The following RIMBP2 variants were observed in gnomAD, a reference collection of about 807,000 sequenced individuals.
The protein encoded by RIMBP2 is RIMS-binding protein 2.
Under a neutral mutation model 118.6 loss-of-function variants are expected in RIMBP2, and 48 were observed. That is an observed-to-expected ratio of 0.40 (90% confidence interval 0.32 to 0.51). RIMBP2 has a LOEUF of 0.51. Ranked by LOEUF, RIMBP2 falls within the 20% of genes least tolerant of loss-of-function variation. The pLI, the probability that RIMBP2 is intolerant of heterozygous loss-of-function variation, is 0.41. For synonymous variants in RIMBP2, 762 were observed against 742.9 expected (o/e 1.03, Z -0.42); for missense variants, 1,551 against 1,768.3 (o/e 0.88, Z 2.20).
chr12:130,667,769 C>T (rs1377260178), intron 1 of RIMBP2: 1 of 152,180 alleles, frequency 6.6e-6, no homozygotes, highest in Non-Finnish European at 1.5e-5. Flanking sequence ...GGCAATGACT[C>T]CCATCAATCA....
chr12:130,569,376 T>C (rs916589271), intron 2 of RIMBP2, among the ~76,000 whole-genome samples: 6 of 152,164 alleles, frequency 3.9e-5, no homozygotes, highest in African/African-American at 1.4e-4. Flanking sequence ...GGCTCCTTCT[T>C]CTCACGCCCA....
At chr12:130,481,673 T>C (rs2082022262) in intron 4 of RIMBP2, among the ~76,000 whole-genome samples, 1 of 152,218 alleles carries the variant, frequency 6.6e-6, no homozygotes, top group South Asian at 2.1e-4. Context: ...TCGCGGTCAG[T>C]GGCCCTCGCC....
chr12:130,689,109 A>G (rs2065200532), intron 1 of RIMBP2, among the ~76,000 whole-genome samples: 1 of 152,096 alleles, frequency 6.6e-6, no homozygotes, highest in African/African-American at 2.4e-5. Context: ...ATTTTCTCCC[A>G]CCCACACCCC....
At chr12:130,668,531 T>A (rs946907437) in intron 1 of RIMBP2, 3 of 152,406 alleles carry the variant, frequency 2.0e-5, no homozygotes, top group Non-Finnish European at 4.4e-5. Flanking sequence ...GGGGTCCAGG[T>A]CCAGCCCATG....
intron 1 of RIMBP2, among the ~76,000 whole-genome samples, chr12:130,662,385 C>T (rs1566437052): frequency 6.6e-6 from 1 of 152,110 alleles, no homozygotes; most frequent in Non-Finnish European, 1.5e-5. Flanking sequence ...AGGCGGAGCG[C>T]GGTGGCTCAC....
At chr12:130,664,415 A>ACGCACGCACGCACGCACACGCACGCACG (rs1195044326) in intron 1 of RIMBP2, among the ~76,000 whole-genome samples, 1 of 130,496 alleles carries the variant, frequency 7.7e-6, no homozygotes, top group African/African-American at 2.8e-5. Flanking sequence ...ACGCACGCAC[A>ACGCACGCACGCACGCACACGCACGCACG]CACACGCACA....
At chr12:130,680,748 T>G (rs2064742527) in intron 1 of RIMBP2, among the ~76,000 whole-genome samples, 1 of 152,100 alleles carries the variant, frequency 6.6e-6, no homozygotes, top group Non-Finnish European at 1.5e-5. Context: ...CGTCCTACAG[T>G]GCATGGAACA....
intron 19 of RIMBP2, 121 bp downstream of exon 19, chr12:130,412,498 T>A: frequency 1.1e-6 from 1 of 931,362 alleles, no homozygotes; most frequent in Non-Finnish European, 1.6e-6. Context: ...AACATTTACA[T>A]GACTTTGGCA....
Position 130,446,573 on chromosome 12 carries a change from C to T in RIMBP2, c.582-1304G>A, listed in dbSNP as rs1488680901. On this transcript the variant is annotated intron_variant, in intron 9 of 22. Coordinates refer to ENST00000690449, the MANE Select transcript of RIMBP2 (RefSeq NM_001393629.1). This position sits in a 1 kb window ranked among gnomAD's most constrained non-coding sequence, Gnocchi z 4.1. The stretch of plus-strand genomic sequence containing the variant: ...CCCTGACAGCACCCAGCAGGTCAGC[C>T]TAGAGGGCTGTGCACCAGGAACTGA... Among the ~76,000 whole-genome samples, 1 of 152,168 alleles carries T rather than the reference C, an allele frequency of 6.6e-6. No homozygotes were observed. Among genetic ancestry groups the T allele is most frequent in the African/African-American group, 2.4e-5 (1 of 41,434 alleles).
intron 20 of RIMBP2, 23 bp downstream of exon 20, chr12:130,407,703 G>T (rs773235057): frequency 1.3e-6 from 2 of 1,580,012 alleles, no homozygotes; most frequent in Non-Finnish European, 1.7e-6. Flanking sequence ...TGTCCGTCAT[G>T]AAGTGCAGTG....
At chr12:130,491,935 G>A (rs1441581708) in intron 4 of RIMBP2, among the ~76,000 whole-genome samples, 2 of 152,178 alleles carry the variant, frequency 1.3e-5, no homozygotes, top group South Asian at 2.1e-4. Flanking sequence ...TCAGGGTGCC[G>A]CTATCCCAGG....
intron 18 of RIMBP2, among the ~76,000 whole-genome samples, chr12:130,413,183 G>C (rs2075851886): frequency 6.6e-6 from 1 of 152,208 alleles, no homozygotes; most frequent in Non-Finnish European, 1.5e-5. Flanking sequence ...TACGTAACAA[G>C]ATAGTGCCAC....
intron 5 of RIMBP2, among the ~76,000 whole-genome samples, chr12:130,477,495 T>G (rs1249205214): frequency 6.6e-6 from 1 of 152,218 alleles, no homozygotes; most frequent in East Asian, 1.9e-4. Context: ...TTCCTGCCCG[T>G]GTCCCAGCAA....
intron 1 of RIMBP2, among the ~76,000 whole-genome samples, chr12:130,629,334 G>A (rs899932311): frequency 6.6e-6 from 1 of 152,216 alleles, no homozygotes; most frequent in Admixed American, 6.5e-5. Context: ...CACCTGCAAA[G>A]TTCCTGACAG....
At position 130,419,862 on chromosome 12, in the gene RIMBP2, C is replaced by A. The variant is rs2076310771; in HGVS notation, c.3238+2591G>T. ...AAGTTATAAAGGATAAAAATCAAAC[C>A]TAATTAAGTATATATTTGAAGCCAC... On this transcript the variant is annotated intron_variant, in intron 17 of 22. Transcript: ENST00000690449. This position sits in a 1 kb window ranked among gnomAD's most constrained non-coding sequence, Gnocchi z 4.3. 1 of 152,040 alleles carries A rather than the reference C, an allele frequency of 6.6e-6. No homozygotes were observed. The highest frequency in any genetic ancestry group is 2.4e-5 in the African/African-American group (1 of 41,392). 9.4% of individuals were successfully genotyped at this position (152,040 alleles called of 1,614,324 possible).
chr12:130,479,266 C>T (rs1266305044), intron 4 of RIMBP2, among the ~76,000 whole-genome samples: 4 of 152,228 alleles, frequency 2.6e-5, no homozygotes, highest in Non-Finnish European at 1.5e-5. Flanking sequence ...ATGCAGCGAG[C>T]ATTTGAGCAG....
intron 2 of RIMBP2, among the ~76,000 whole-genome samples, chr12:130,557,136 T>A (rs1295288442): frequency 1.3e-5 from 2 of 152,172 alleles, no homozygotes; most frequent in Middle Eastern, 3.4e-3. Context: ...AAGGAGACCT[T>A]TGCACACAGA....
rs1391622698 is a variant in RIMBP2 at position 130,623,778 on chromosome 12, C to T, written c.-217+4544G>A. Among the ~76,000 whole-genome samples, 11 of 152,150 alleles carry T rather than the reference C, an allele frequency of 7.2e-5. No homozygotes were observed. Among genetic ancestry groups the T allele is most frequent in the African/African-American group, 2.4e-4 (10 of 41,436 alleles). Reference sequence around the variant, plus strand: ...TGGAGCCTCCATGCACCTGCAAGACCGCCTCAGCCAAGTGAAGAGTGCTGG... The same window carrying T: ...TGGAGCCTCCATGCACCTGCAAGACTGCCTCAGCCAAGTGAAGAGTGCTGG... On this transcript the variant is annotated intron_variant, in intron 2 of 22. Transcript: ENST00000690449. This position sits in a 1 kb window ranked among gnomAD's most constrained non-coding sequence, Gnocchi z 4.1.
At chr12:130,500,962 G>A (rs1008771679) in intron 4 of RIMBP2, among the ~76,000 whole-genome samples, 5 of 152,118 alleles carry the variant, frequency 3.3e-5, no homozygotes, top group East Asian at 1.9e-4. Context: ...AGGGAGGTCC[G>A]TAGAGTGGGA....
Sources: allele counts gnomAD v4.1 joint callset (sites outside exome capture counted in the v4.1 genomes callset), GRCh38; gene constraint gnomAD v4.1.1; non-coding constraint Gnocchi (gnomAD v3.1); transcripts MANE v1.5; gene names NCBI Gene and HGNC (gene_info 2026-07-23, HGNC 2026-07-21).